TENM2: variants seen among roughly 807,000 people sequenced by gnomAD.
TENM2 encodes teneurin transmembrane protein 2, also known as teneurin-2.
TENM2 carries 52 observed loss-of-function variants against 245.2 expected under a neutral mutation model. The observed-to-expected ratio is 0.21, with a 90% CI of 0.17 to 0.27. The LOEUF is 0.27. Among genes scored for constraint, TENM2 ranks in the 10% least tolerant of loss-of-function variants. The pLI is 1.00. For missense variants in TENM2, 3,046 were observed against 3,666.8 expected, an observed-to-expected ratio of 0.83 and a Z score of 4.37; for synonymous variants, 1,363 against 1,438.9, an observed-to-expected ratio of 0.95 and a Z score of 1.19.
At chr5:167,003,571 C>T in the TENM2 span, among the ~76,000 whole-genome samples, 2 of 152,094 alleles carry the variant, frequency 1.3e-5, no homozygotes, top group Non-Finnish European at 2.9e-5. Flanking sequence ...ACGAAAATGT[C>T]GGTTTAGTTT....
intron 9 of TENM2, among the ~76,000 whole-genome samples, chr5:168,106,928 G>A (rs190437233): frequency 3.3e-5 from 5 of 152,332 alleles, no homozygotes; most frequent in Admixed American, 2.6e-4. Flanking sequence ...GGGCATGGTA[G>A]TGAAGACTGT....
exon 15 of TENM2, chr5:168,195,214 A>G: frequency 6.2e-7 from 1 of 1,608,420 alleles, no homozygotes; most frequent in Non-Finnish European, 8.5e-7. Flanking sequence ...GTAACTACAG[A>G]TGGAACTCCC....
At chr5:168,178,168 G>A (rs934484318) in intron 13 of TENM2, among the ~76,000 whole-genome samples, 1 of 152,300 alleles carries the variant, frequency 6.6e-6, no homozygotes, top group East Asian at 1.9e-4. Context: ...GTTGCTCTGA[G>A]GTGTCGGTGG....
intron 2 of TENM2, among the ~76,000 whole-genome samples, chr5:167,692,990 G>A (rs1467537435): frequency 6.6e-6 from 1 of 152,164 alleles, no homozygotes; most frequent in Non-Finnish European, 1.5e-5. Flanking sequence ...GAGCTTTAGA[G>A]ACAAACAGCC....
chr5:167,664,557 A>T (rs961327825), intron 2 of TENM2, among the ~76,000 whole-genome samples: 1 of 152,192 alleles, frequency 6.6e-6, no homozygotes, highest in Non-Finnish European at 1.5e-5. Flanking sequence ...AAGCTACAGA[A>T]ATAGCATCAC....
Position 167,814,115 on chromosome 5 carries a change from G to A in TENM2, c.503-61871G>A, listed in dbSNP as rs11957327. The stretch of plus-strand genomic sequence containing the variant: ...CGTGCAATGAAATCTGTCTAAAAAG[G>A]TCTTTGTCAGTCTCCAGGGGCCAAT... On this transcript the variant is annotated intron_variant, in intron 2 of 28. Coordinates refer to ENST00000518659, the Ensembl canonical transcript of TENM2. Among the ~76,000 whole-genome samples the A allele has an allele frequency of 5.0e-3, 760 of 152,184 alleles. 10 individuals are homozygous for A. The highest frequency in any genetic ancestry group is 0.017 in the African/African-American group (715 of 41,532).
At chr5:167,430,383 C>A (rs1764145386) in intron 2 of TENM2, among the ~76,000 whole-genome samples, 1 of 152,020 alleles carries the variant, frequency 6.6e-6, no homozygotes, top group Non-Finnish European at 1.5e-5. Context: ...AGGAGGTGTT[C>A]ATTTAGGTTT....
intron 2 of TENM2, among the ~76,000 whole-genome samples, chr5:167,380,036 A>G (rs1248762165): frequency 6.6e-6 from 1 of 152,018 alleles, no homozygotes; most frequent in Non-Finnish European, 1.5e-5. Flanking sequence ...TTAAAAGAAT[A>G]CCATTATAAA....
intron 2 of TENM2, among the ~76,000 whole-genome samples, chr5:167,586,024 T>C (rs1775465462): frequency 6.6e-6 from 1 of 152,076 alleles, no homozygotes; most frequent in Admixed American, 6.6e-5. Flanking sequence ...CTCGGGAGGC[T>C]GAGGTCACAA....
chr5:168,024,144 C>T (rs1284681899), intron 5 of TENM2, among the ~76,000 whole-genome samples: 4 of 152,112 alleles, frequency 2.6e-5, no homozygotes, highest in Admixed American at 6.5e-5. Flanking sequence ...TCATCATACC[C>T]CATGCATGAG....
At chr5:167,071,294 T>A in the TENM2 span, among the ~76,000 whole-genome samples, 1 of 152,130 alleles carries the variant, frequency 6.6e-6, no homozygotes, top group Non-Finnish European at 1.5e-5. Flanking sequence ...GTTTAAAGGA[T>A]CAGAACTGCA....
rs994903302 is a variant in TENM2, at chr5:168,070,355, T to C, written c.1515+8090T>C. Among the ~76,000 whole-genome samples the C allele has an allele frequency of 3.9e-5, 6 of 152,328 alleles. No individual in the cohort carries two copies. The East Asian group carries it at 9.7e-4, about 25-fold the overall frequency. ...AAAGTTCTAATCAAACATTTTTCCA[T>C]TCGTTAAGTGTATTCATTATAAGTG... On this transcript the variant is annotated intron_variant, in intron 7 of 28. Transcript: ENST00000518659.
At chr5:167,984,699 A>G (rs973907330) in intron 4 of TENM2, among the ~76,000 whole-genome samples, 1 of 152,220 alleles carries the variant, frequency 6.6e-6, no homozygotes, top group Admixed American at 6.5e-5. Flanking sequence ...TAATGTGTGC[A>G]TGTTATATTT....
At chr5:167,163,537 AC>A in the TENM2 span, among the ~76,000 whole-genome samples, 4,917 of 152,234 alleles carry the variant, frequency 0.032, 285 homozygotes, top group African/African-American at 0.11. Context: ...ATTTATCTGG[AC>A]TTTGTTTATG....
the TENM2 span, among the ~76,000 whole-genome samples, chr5:167,100,805 C>T: frequency 1.3e-5 from 2 of 152,016 alleles, no homozygotes; most frequent in African/African-American, 4.8e-5. Flanking sequence ...TTAATTCAGG[C>T]TATTTTCAGA....
chr5:167,226,940 A>T, the TENM2 span, among the ~76,000 whole-genome samples: 1 of 151,888 alleles, frequency 6.6e-6, no homozygotes, highest in African/African-American at 2.4e-5. Flanking sequence ...GTCACCATAT[A>T]TATGTATATA....
At chr5:167,044,020 A>G in the TENM2 span, among the ~76,000 whole-genome samples, 1 of 126,912 alleles carries the variant, frequency 7.9e-6, no homozygotes, top group African/African-American at 2.8e-5. Context: ...CTGCATCTCA[A>G]ATAAATAGTA....
At chr5:167,082,959 T>C in the TENM2 span, among the ~76,000 whole-genome samples, 1 of 151,890 alleles carries the variant, frequency 6.6e-6, no homozygotes, top group South Asian at 2.1e-4. Flanking sequence ...TTGGTGGCCA[T>C]TGGGAAGGCA....
chr5:167,508,237 C>T (rs1269621387), intron 2 of TENM2, among the ~76,000 whole-genome samples: 1 of 152,090 alleles, frequency 6.6e-6, no homozygotes, highest in Non-Finnish European at 1.5e-5. Flanking sequence ...ATTAAAAAAG[C>T]TCCACACACC....
Sources: allele counts gnomAD v4.1 joint callset (sites outside exome capture counted in the v4.1 genomes callset), GRCh38; gene constraint gnomAD v4.1.1; transcripts MANE v1.5; gene names NCBI Gene and HGNC (gene_info 2026-07-23, HGNC 2026-07-21).